HLCS: variants seen among roughly 807,000 people sequenced by gnomAD.
The protein encoded by HLCS is holocarboxylase synthetase, also known as biotin--protein ligase.
Under a neutral mutation model 75.0 loss-of-function variants are expected in HLCS, and 53 were observed. That is an observed-to-expected ratio of 0.71 (90% CI 0.57 to 0.89). The LOEUF is 0.89. Ranked by LOEUF, HLCS falls within the 40% of genes least tolerant of loss-of-function variation. The probability of loss-of-function intolerance (pLI) is 0.00; values close to 1 mark genes in which losing one functional copy is unlikely to be tolerated. For missense variants in HLCS, 966 were observed against 1,074.0 expected (o/e 0.90, Z 1.41); for synonymous variants, 431 against 428.6 (o/e 1.01, Z -0.07).
intron 6 of HLCS, among the ~76,000 whole-genome samples, chr21:36,870,434 TATGAGC>T (rs2063730465): frequency 2.0e-5 from 3 of 152,240 alleles, no homozygotes; most frequent in Admixed American, 2.0e-4. Flanking sequence ...TTTTCACTTA[TATGAGC>T]ATATTTCCCC....
chr21:36,846,906 TC>T (rs1251672238), intron 6 of HLCS, among the ~76,000 whole-genome samples: 1 of 152,160 alleles, frequency 6.6e-6, no homozygotes, highest in Non-Finnish European at 1.5e-5. Flanking sequence ...TTTAGAGCCA[TC>T]CGCTCATCCT....
intron 2 of HLCS, among the ~76,000 whole-genome samples, chr21:36,946,379 C>T (rs190561863): frequency 6.6e-6 from 1 of 151,938 alleles, no homozygotes; most frequent in Non-Finnish European, 1.5e-5. Context: ...GTAGCTGGGA[C>T]GACAGGCATG....
intron 6 of HLCS, chr21:36,852,096 C>T (rs896898584): frequency 1.3e-5 from 2 of 152,220 alleles, no homozygotes; most frequent in African/African-American, 4.8e-5. Flanking sequence ...GTCAAAGTGC[C>T]ACCCTGTGGC....
intron 6 of HLCS, among the ~76,000 whole-genome samples, chr21:36,839,182 TACAC>T (rs937880827): frequency 1.3e-5 from 2 of 152,184 alleles, no homozygotes; most frequent in Admixed American, 6.5e-5. Context: ...GCTGTGCAAA[TACAC>T]ACGGCTGAAA....
At chr21:36,940,350 A>G (rs895318138) in intron 2 of HLCS, among the ~76,000 whole-genome samples, 1 of 151,934 alleles carries the variant, frequency 6.6e-6, no homozygotes, top group African/African-American at 2.4e-5. Flanking sequence ...ATTTGTATTT[A>G]TTTATTTTTT....
At chr21:36,956,627 G>A (rs1356156617) in intron 2 of HLCS, among the ~76,000 whole-genome samples, 2 of 152,180 alleles carry the variant, frequency 1.3e-5, no homozygotes, top group Non-Finnish European at 2.9e-5. Flanking sequence ...CTACTCGGGA[G>A]GCTGAGGCAG....
chr21:36,784,735 C>T (rs1159618453), intron 6 of HLCS, among the ~76,000 whole-genome samples: 1 of 152,068 alleles, frequency 6.6e-6, no homozygotes, highest in African/African-American at 2.4e-5. Flanking sequence ...CTTGCTTTAT[C>T]TTTTTTTCTG....
intron 6 of HLCS, among the ~76,000 whole-genome samples, chr21:36,833,593 T>TTATATATATATATATATATATATATATA (rs56412653): frequency 3.5e-4 from 49 of 139,998 alleles, no homozygotes; most frequent in African/African-American, 1.3e-3. Context: ...TAAAAAAAAA[T>TTATATATATATATATATATATATATATA]TATATATATA....
chr21:36,821,727 T>C (rs948104201), intron 6 of HLCS, among the ~76,000 whole-genome samples: 3 of 152,232 alleles, frequency 2.0e-5, no homozygotes, highest in Non-Finnish European at 2.9e-5. Context: ...TTTGTCTGAA[T>C]AGACTGAAGA....
intron 1 of HLCS, among the ~76,000 whole-genome samples, chr21:36,979,175 G>C (rs986347291): frequency 6.6e-6 from 1 of 151,790 alleles, no homozygotes; most frequent in Non-Finnish European, 1.5e-5. Flanking sequence ...GGGAGGCTGA[G>C]GCAGGAGAAT....
intron 5 of HLCS, among the ~76,000 whole-genome samples, chr21:36,922,846 A>G (rs73905404): frequency 0.11 from 16,554 of 152,274 alleles, 1,336 homozygotes; most frequent in East Asian, 0.25. Flanking sequence ...CAGTCAGTGC[A>G]AATCTCCAGG....
At chr21:36,814,596 T>C (rs1167554234) in intron 6 of HLCS, among the ~76,000 whole-genome samples, 1 of 152,092 alleles carries the variant, frequency 6.6e-6, no homozygotes, top group Non-Finnish European at 1.5e-5. Context: ...GTCCAGGAAG[T>C]AGAGAAAAGG....
chr21:36,952,520 G>A (rs566158194), intron 2 of HLCS, among the ~76,000 whole-genome samples: 175 of 152,206 alleles, frequency 1.1e-3, no homozygotes, highest in Middle Eastern at 0.01. Flanking sequence ...ACGGCCGAGC[G>A]CGGTGGCTCA....
At chr21:36,921,503 T>A (rs1475189976) in intron 5 of HLCS, among the ~76,000 whole-genome samples, 1 of 152,214 alleles carries the variant, frequency 6.6e-6, no homozygotes, top group Non-Finnish European at 1.5e-5. Context: ...AAACTTTTCC[T>A]TAATGCATGT....
chr21:36,877,672 G>A (rs956521360), intron 6 of HLCS, among the ~76,000 whole-genome samples: 3 of 152,180 alleles, frequency 2.0e-5, no homozygotes, highest in Admixed American at 6.5e-5. Context: ...CCAGATATTT[G>A]TCCAGAGAGC....
intron 6 of HLCS, among the ~76,000 whole-genome samples, chr21:36,848,882 A>G (rs1452928014): frequency 6.6e-6 from 1 of 152,218 alleles, no homozygotes; most frequent in Admixed American, 6.5e-5. Flanking sequence ...ATCCCAAAGG[A>G]TGGGGAAAGA....
At chr21:36,976,421 C>G (rs2068939133) in intron 1 of HLCS, among the ~76,000 whole-genome samples, 1 of 90,102 alleles carries the variant, frequency 1.1e-5, no homozygotes, top group Admixed American at 1.4e-4. Context: ...CATACACACA[C>G]AGAAAAATAC....
intron 2 of HLCS, among the ~76,000 whole-genome samples, chr21:36,951,675 C>T (rs373661026): frequency 7.9e-5 from 12 of 152,326 alleles, no homozygotes; most frequent in Middle Eastern, 6.8e-3. Flanking sequence ...ATATAACAGG[C>T]ACTCAATAAA....
chr21:36,916,038 A>C (rs1222151620), intron 5 of HLCS, among the ~76,000 whole-genome samples: 1 of 152,222 alleles, frequency 6.6e-6, no homozygotes, highest in Non-Finnish European at 1.5e-5. Flanking sequence ...TACAAAGATT[A>C]ACAACATATG....
Sources: gnomAD v4.1 joint callset for allele counts (sites outside exome capture counted in the v4.1 genomes callset) on GRCh38, gnomAD v4.1.1 for gene constraint, MANE v1.5 for transcripts, NCBI Gene and HGNC (gene_info 2026-07-23, HGNC 2026-07-21) for gene names.